The following XKR4 variants were observed in gnomAD, a reference collection of about 807,000 sequenced individuals.
XKR4 encodes XK-related protein 4.
In XKR4, 12 loss-of-function variants were observed where a neutral mutation model predicts 53.9. The observed-to-expected ratio is 0.22, with a 90% confidence interval of 0.14 to 0.36. The LOEUF (loss-of-function observed/expected upper bound fraction) is 0.36, where lower values mean the gene tolerates loss of function less well. Among genes scored for constraint, XKR4 ranks in the 10% least tolerant of loss-of-function variants. The pLI, the probability that XKR4 is intolerant of heterozygous loss-of-function variation, is 1.00. For synonymous variants in XKR4, 354 were observed against 362.4 expected (o/e 0.98, Z 0.26); for missense variants, 799 against 859.5 (o/e 0.93, Z 0.88).
chr8:55,291,963 G>C (rs1563317144), intron 1 of XKR4, among the ~76,000 whole-genome samples: 2 of 151,958 alleles, frequency 1.3e-5, no homozygotes, highest in African/African-American at 4.8e-5. Context: ...CTTCCTTCAT[G>C]GCCTATTAAG....
At chr8:55,331,168 T>G (rs1585524427) in intron 1 of XKR4, among the ~76,000 whole-genome samples, 1 of 152,146 alleles carries the variant, frequency 6.6e-6, no homozygotes, top group East Asian at 1.9e-4. Context: ...TTTATTTGCC[T>G]GAAGATACTT....
intron 2 of XKR4, among the ~76,000 whole-genome samples, chr8:55,382,636 G>A (rs539996467): frequency 6.6e-6 from 1 of 152,142 alleles, no homozygotes; most frequent in African/African-American, 2.4e-5. Flanking sequence ...AGCATCTTAA[G>A]GGGGGGAAAT....
intron 1 of XKR4, among the ~76,000 whole-genome samples, chr8:55,114,230 A>G (rs1452517494): frequency 6.6e-6 from 1 of 152,126 alleles, no homozygotes; most frequent in Non-Finnish European, 1.5e-5. Flanking sequence ...GCAACCTCAC[A>G]GGCGTCTGTT....
intron 1 of XKR4, among the ~76,000 whole-genome samples, chr8:55,198,377 A>T (rs1454763112): frequency 6.6e-6 from 1 of 152,168 alleles, no homozygotes; most frequent in African/African-American, 2.4e-5. Flanking sequence ...GATGATCAAA[A>T]ACCAGTATAA....
chr8:55,165,819 G>GA (rs1054514131), intron 1 of XKR4, among the ~76,000 whole-genome samples: 4 of 144,484 alleles, frequency 2.8e-5, no homozygotes, highest in Middle Eastern at 3.2e-3. Flanking sequence ...AAAAAAAAAA[G>GA]AAAAAAAAAG....
At chr8:55,404,793 G>A (rs564044149) in intron 2 of XKR4, among the ~76,000 whole-genome samples, 118 of 152,236 alleles carry the variant, frequency 7.8e-4, no homozygotes, top group Non-Finnish European at 1.5e-3. Context: ...ATATCTAGGG[G>A]CCAGGAGAAC....
intron 1 of XKR4, among the ~76,000 whole-genome samples, chr8:55,199,963 T>C (rs1270584164): frequency 6.6e-6 from 1 of 152,216 alleles, no homozygotes; most frequent in Non-Finnish European, 1.5e-5. Flanking sequence ...GCTGGCAAGG[T>C]GTAGAACCTT....
Position 55,458,733 on chromosome 8 carries a change from C to T in XKR4, c.1007-64548C>T, listed in dbSNP as rs555092908. ...GAGGTCCTACTGTCAAGCTGTCCCTCTGAAGTCAAGCTGCTTCTCACTGAC... is the reference window on the plus strand; with the variant it reads ...GAGGTCCTACTGTCAAGCTGTCCCTTTGAAGTCAAGCTGCTTCTCACTGAC... On this transcript the variant is annotated intron_variant, in intron 2 of 2. Transcript: ENST00000327381. 2.6e-5 allele frequency among the ~76,000 whole-genome samples: 4 copies of T among 152,336 alleles called. No individual in the cohort carries two copies. The East Asian group carries it at 7.7e-4, about 29-fold the overall frequency.
At chr8:55,141,876 G>A (rs1450901347) in intron 1 of XKR4, among the ~76,000 whole-genome samples, 1 of 152,068 alleles carries the variant, frequency 6.6e-6, no homozygotes, top group Non-Finnish European at 1.5e-5. Flanking sequence ...AGAGGGGTGG[G>A]GGGTCCCGTG....
intron 2 of XKR4, among the ~76,000 whole-genome samples, chr8:55,455,529 T>C (rs189888686): frequency 1.3e-5 from 2 of 152,264 alleles, no homozygotes; most frequent in Admixed American, 1.3e-4. Context: ...ATAGCCTTCC[T>C]CGCTAAAAGT....
intron 1 of XKR4, among the ~76,000 whole-genome samples, chr8:55,289,668 G>T (rs1465796291): frequency 2.3e-5 from 1 of 43,654 alleles, no homozygotes; most frequent in Non-Finnish European, 5.3e-5. Flanking sequence ...GAAAAGAAAA[G>T]AAAAGAAAGA....
intron 1 of XKR4, among the ~76,000 whole-genome samples, chr8:55,114,253 TTTGA>T (rs1439769188): frequency 6.6e-6 from 1 of 152,188 alleles, no homozygotes; most frequent in South Asian, 2.1e-4. Context: ...TTTTTGACTT[TTTGA>T]TAATAGCCAT....
intron 1 of XKR4, among the ~76,000 whole-genome samples, chr8:55,349,854 TA>T (rs1346481728): frequency 3.9e-5 from 6 of 152,306 alleles, no homozygotes; most frequent in Middle Eastern, 6.8e-3. Context: ...ATCAAAAGCT[TA>T]AAAAATATGA....
At chr8:55,332,450 T>A (rs1473037018) in intron 1 of XKR4, among the ~76,000 whole-genome samples, 1 of 152,086 alleles carries the variant, frequency 6.6e-6, no homozygotes, top group Non-Finnish European at 1.5e-5. Context: ...CACCTCAATT[T>A]GAAGGACTCC....
At chr8:55,447,642 A>T (rs529565094) in intron 2 of XKR4, among the ~76,000 whole-genome samples, 1 of 152,258 alleles carries the variant, frequency 6.6e-6, no homozygotes, top group African/African-American at 2.4e-5. Flanking sequence ...TATAATAGAC[A>T]GCCCTGTAGT....
At chr8:55,125,957 C>A (rs1207585899) in intron 1 of XKR4, among the ~76,000 whole-genome samples, 2 of 152,114 alleles carry the variant, frequency 1.3e-5, no homozygotes, top group Non-Finnish European at 2.9e-5. Context: ...TTGAATTGGG[C>A]CCTGTTTGTA....
intron 1 of XKR4, among the ~76,000 whole-genome samples, chr8:55,298,662 C>A (rs183292615): frequency 3.9e-4 from 59 of 152,242 alleles, no homozygotes; most frequent in Non-Finnish European, 7.8e-4. Context: ...GATCACATTT[C>A]AACATGATAT....
chr8:55,489,359 T>A (rs1806240443), intron 2 of XKR4, among the ~76,000 whole-genome samples: 1 of 152,208 alleles, frequency 6.6e-6, no homozygotes, highest in Admixed American at 6.5e-5. Context: ...ATAGTAACCA[T>A]GTTACCCTTT....
intron 2 of XKR4, chr8:55,454,855 A>G: frequency 1.3e-6 from 1 of 763,582 alleles, no homozygotes; most frequent in Non-Finnish European, 2.4e-6. Flanking sequence ...TCTTCCTCCC[A>G]CTCAGTGGCA....
Sources: gnomAD v4.1 joint callset for allele counts (sites outside exome capture counted in the v4.1 genomes callset) on GRCh38, gnomAD v4.1.1 for gene constraint, MANE v1.5 for transcripts, NCBI Gene and HGNC (gene_info 2026-07-23, HGNC 2026-07-21) for gene names.